Variants in CADPS2 observed in about 807,000 individuals in gnomAD.
CADPS2 encodes calcium-dependent secretion activator 2.
A neutral mutation model predicts 172.5 loss-of-function variants in CADPS2; 93 were observed. That is an observed-to-expected ratio of 0.54 (90% CI 0.46 to 0.64). The LOEUF is 0.64. Among genes scored for constraint, CADPS2 ranks in the 30% least tolerant of loss-of-function variants. CADPS2 has a pLI of 0.00. For missense variants in CADPS2, 1,420 were observed against 1,565.9 expected (o/e 0.91, Z 1.57); for synonymous variants, 546 against 555.2 (o/e 0.98, Z 0.23).
intron 6 of CADPS2, among the ~76,000 whole-genome samples, chr7:122,594,118 A>G (rs1372796823): frequency 6.6e-6 from 1 of 152,074 alleles, no homozygotes; most frequent in East Asian, 1.9e-4. Flanking sequence ...ATGGAAAGAT[A>G]ACACAAAGTT....
chr7:122,493,970 C>T (rs976282853), intron 9 of CADPS2, among the ~76,000 whole-genome samples: 58 of 152,150 alleles, frequency 3.8e-4, no homozygotes, highest in African/African-American at 1.3e-3. Flanking sequence ...GTTAACATGA[C>T]TAGGCTATAG....
chr7:122,465,508 A>T (rs1163848756), intron 14 of CADPS2, among the ~76,000 whole-genome samples: 1 of 152,146 alleles, frequency 6.6e-6, no homozygotes, highest in African/African-American at 2.4e-5. Context: ...CTCCTGTCAG[A>T]TCAGTGTCGG....
At chr7:122,506,460 G>T (rs1458251537) in intron 9 of CADPS2, among the ~76,000 whole-genome samples, 1 of 152,130 alleles carries the variant, frequency 6.6e-6, no homozygotes, top group Non-Finnish European at 1.5e-5. Flanking sequence ...GTACCACAAG[G>T]TATCTGCATC....
intron 2 of CADPS2, among the ~76,000 whole-genome samples, chr7:122,722,407 C>A (rs2090532938): frequency 6.6e-6 from 1 of 151,244 alleles, no homozygotes; most frequent in African/African-American, 2.4e-5. Flanking sequence ...AACAGACAAA[C>A]AGAGAGCCAA....
intron 12 of CADPS2, among the ~76,000 whole-genome samples, chr7:122,479,610 C>T (rs2057063780): frequency 6.6e-6 from 1 of 152,200 alleles, no homozygotes; most frequent in African/African-American, 2.4e-5. Context: ...TGAATTAACA[C>T]ATCTTGCTTT....
At chr7:122,400,597 A>T (rs2045830075) in intron 20 of CADPS2, among the ~76,000 whole-genome samples, 1 of 152,234 alleles carries the variant, frequency 6.6e-6, no homozygotes, top group Non-Finnish European at 1.5e-5. Context: ...ATTCTGACAC[A>T]CCATTTTGAA....
chr7:122,882,928 G>A (rs1823324796), intron 1 of CADPS2, among the ~76,000 whole-genome samples: 3 of 152,080 alleles, frequency 2.0e-5, no homozygotes, highest in South Asian at 2.1e-4. Context: ...CATTTAGGAG[G>A]TGTAGCACCT....
intron 6 of CADPS2, among the ~76,000 whole-genome samples, chr7:122,611,842 A>C: frequency 6.6e-6 from 1 of 152,070 alleles, no homozygotes; most frequent in East Asian, 1.9e-4. Flanking sequence ...ATCCAGTGAC[A>C]AATTTTAAAA....
intron 11 of CADPS2, among the ~76,000 whole-genome samples, chr7:122,485,769 A>G (rs1354153237): frequency 6.6e-6 from 1 of 152,228 alleles, no homozygotes; most frequent in East Asian, 1.9e-4. Context: ...GGACTTTCGC[A>G]GTTAGAGAGA....
intron 1 of CADPS2, among the ~76,000 whole-genome samples, chr7:122,847,864 T>C (rs952187317): frequency 3.3e-5 from 5 of 152,202 alleles, no homozygotes; most frequent in African/African-American, 4.8e-5. Context: ...GAATGGTTGA[T>C]AGCATGTATT....
At chr7:122,701,518 C>T (rs2086090168) in intron 2 of CADPS2, 1 of 161,006 alleles carries the variant, frequency 6.2e-6, no homozygotes, top group Non-Finnish European at 1.3e-5. Context: ...TGCAGCACAC[C>T]AACATGGCAC....
intron 1 of CADPS2, among the ~76,000 whole-genome samples, chr7:122,805,392 T>C: frequency 6.6e-6 from 1 of 152,136 alleles, no homozygotes; most frequent in East Asian, 1.9e-4. Flanking sequence ...TCTCCTGACC[T>C]AGTGATCCGC....
intron 9 of CADPS2, among the ~76,000 whole-genome samples, chr7:122,505,632 A>G (rs1392081763): frequency 6.6e-6 from 1 of 152,194 alleles, no homozygotes; most frequent in Non-Finnish European, 1.5e-5. Flanking sequence ...CAGATGGAAG[A>G]GTAATAAAAT....
intron 27 of CADPS2, among the ~76,000 whole-genome samples, chr7:122,351,478 C>A (rs1467639908): frequency 7.0e-6 from 1 of 142,468 alleles, no homozygotes; most frequent in Non-Finnish European, 1.5e-5. Context: ...ATTCAAAATT[C>A]TATTAATTAT....
At chr7:122,718,311 A>G (rs1271693979) in intron 2 of CADPS2, among the ~76,000 whole-genome samples, 3 of 152,018 alleles carry the variant, frequency 2.0e-5, no homozygotes, top group Non-Finnish European at 4.4e-5. Context: ...CTTGACATGG[A>G]AAAATGACAA....
At chr7:122,750,781 C>A (rs2092920362) in intron 1 of CADPS2, among the ~76,000 whole-genome samples, 1 of 152,128 alleles carries the variant, frequency 6.6e-6, no homozygotes, top group Non-Finnish European at 1.5e-5. Context: ...CTACCCCACA[C>A]CTACTATTTC....
At chr7:122,424,403 A>T (rs1303474540) in intron 17 of CADPS2, 2 of 823,498 alleles carry the variant, frequency 2.4e-6, no homozygotes, top group Non-Finnish European at 2.9e-6. Flanking sequence ...TGGCCACTAG[A>T]GTATAGACCA....
At chr7:122,706,910 C>T (rs2136519219) in intron 2 of CADPS2, among the ~76,000 whole-genome samples, 1 of 150,878 alleles carries the variant, frequency 6.6e-6, no homozygotes, top group East Asian at 2.0e-4. Context: ...GCTTCACAAA[C>T]CCATGCCTAA....
chr7:122,762,029 T>C lies in CADPS2; in HGVS notation c.340-24961A>G, dbSNP rs13229359. ...AAAAAAAAAAATATATATATATATA[T>C]ACACACACACACACACACACACACA... is the stretch of plus-strand genomic sequence containing the variant. On this transcript the variant is annotated intron_variant, in intron 1 of 29. Coordinates refer to ENST00000449022, the MANE Select transcript of CADPS2 (RefSeq NM_017954.11). 3.6e-3 allele frequency among the ~76,000 whole-genome samples: 449 copies of C among 124,210 alleles called. 3 individuals carry two copies. The highest frequency in any genetic ancestry group is 0.013 in the African/African-American group (402 of 31,234). The allele number at this position is 124,210 out of a possible 152,430, so 81.5% of individuals were successfully genotyped here.
Sources: allele counts gnomAD v4.1 joint callset (sites outside exome capture counted in the v4.1 genomes callset), GRCh38; gene constraint gnomAD v4.1.1; transcripts MANE v1.5; gene names NCBI Gene and HGNC (gene_info 2026-07-23, HGNC 2026-07-21).